FDFT1: variants seen among roughly 807,000 people sequenced by gnomAD.
The protein encoded by FDFT1 is squalene synthase.
FDFT1 carries 68 observed loss-of-function variants against 46.8 expected under a neutral mutation model. The ratio of observed to expected loss-of-function variants is 1.45; its 90% CI spans 1.19 to 1.78. The LOEUF is 1.78. Ranked by LOEUF, FDFT1 falls within the 40% of genes most tolerant of loss-of-function variation. The pLI is 0.00. For missense variants in FDFT1, 928 were observed against 524.4 expected, an observed-to-expected ratio of 1.77 and a Z score of -7.52; for synonymous variants, 351 against 185.1, an observed-to-expected ratio of 1.90 and a Z score of -7.28.
chr8:11,824,401 A>C (rs1383329780), intron 4 of FDFT1, among the ~76,000 whole-genome samples: 2 of 152,202 alleles, frequency 1.3e-5, no homozygotes, highest in Non-Finnish European at 2.9e-5. Context: ...CTCTAAAAGA[A>C]AAACTAAAAA....
intron 7 of FDFT1, among the ~76,000 whole-genome samples, chr8:11,832,659 C>G (rs997639832): frequency 6.6e-6 from 1 of 150,376 alleles, no homozygotes; most frequent in Non-Finnish European, 1.5e-5. Context: ...TGATTTGCTC[C>G]CCTCCCCCCA....
chr8:11,813,557 A>C (rs944604697), intron 3 of FDFT1, among the ~76,000 whole-genome samples: 1 of 152,308 alleles, frequency 6.6e-6, no homozygotes, highest in Admixed American at 6.5e-5. Context: ...AGAATCAATG[A>C]ATCTGGAAGG....
At chr8:11,827,820 C>G (rs1180833546) in intron 5 of FDFT1, among the ~76,000 whole-genome samples, 2 of 151,772 alleles carry the variant, frequency 1.3e-5, no homozygotes, top group Middle Eastern at 3.4e-3. Context: ...GTAGGAAGAT[C>G]ACTGAAGCCA....
upstream of FDFT1, among the ~76,000 whole-genome samples, chr8:11,798,405 G>C (rs143747706): frequency 4.4e-4 from 67 of 152,332 alleles, no homozygotes; most frequent in African/African-American, 1.6e-3. Context: ...TATGGGAAAG[G>C]ACAGGGGAAG....
intron 1 of FDFT1, 26 bp from the exon 2 acceptor site, chr8:11,808,768 C>G (rs1284336395): frequency 1.2e-6 from 2 of 1,601,922 alleles, no homozygotes; most frequent in Non-Finnish European, 1.7e-6. Flanking sequence ...ACGTCTCCCA[C>G]CGCCGTGTGT....
At chr8:11,807,061 C>T (rs976829241) in intron 1 of FDFT1, among the ~76,000 whole-genome samples, 3 of 151,110 alleles carry the variant, frequency 2.0e-5, no homozygotes, top group African/African-American at 7.3e-5. Context: ...AACCTCCCAC[C>T]AGAGCCCAGG....
At chr8:11,829,934 G>A (rs1171699302) in intron 5 of FDFT1, among the ~76,000 whole-genome samples, 3 of 151,434 alleles carry the variant, frequency 2.0e-5, no homozygotes, top group Non-Finnish European at 4.4e-5. Context: ...TGCAACCTCC[G>A]CCCCCTAGGT....
intron 3 of FDFT1, among the ~76,000 whole-genome samples, chr8:11,815,015 C>T (rs905786460): frequency 6.6e-6 from 1 of 152,192 alleles, no homozygotes; most frequent in Non-Finnish European, 1.5e-5. Context: ...CTATCCCTCC[C>T]TTGGCCCCCC....
intron 3 of FDFT1, among the ~76,000 whole-genome samples, chr8:11,814,966 C>T (rs909827845): frequency 2.0e-5 from 3 of 152,000 alleles, no homozygotes; most frequent in Admixed American, 2.0e-4. Flanking sequence ...TTTGCTACAC[C>T]CATCAACTCG....
At chr8:11,833,218 C>T (rs1191161064) in intron 7 of FDFT1, among the ~76,000 whole-genome samples, 3 of 152,180 alleles carry the variant, frequency 2.0e-5, no homozygotes, top group African/African-American at 7.2e-5. Flanking sequence ...CCAGAACTTA[C>T]TTTGATCTAT....
At chr8:11,831,428 C>T in intron 6 of FDFT1, 90 bp from the exon 7 acceptor site, 1 of 1,115,550 alleles carries the variant, frequency 9.0e-7, no homozygotes, top group Non-Finnish European at 1.3e-6. Flanking sequence ...AGCAATTGCC[C>T]ATTCAACAGA....
At chr8:11,823,666 C>G (rs149388209) in intron 4 of FDFT1, among the ~76,000 whole-genome samples, 119 of 152,298 alleles carry the variant, frequency 7.8e-4, no homozygotes, top group African/African-American at 2.7e-3. Context: ...CTTCTGGGCT[C>G]AAGCAATCTT....
chr8:11,831,761 C>A lies in FDFT1; in HGVS notation c.1032+91C>A, dbSNP rs1449500685. On this transcript the variant is annotated intron_variant, in intron 7 of 7. Transcript: ENST00000220584. ...TAACCAGGTTTGGATATTAGATGAT[C>A]CTAACAATTCACTATCCTGTGGCCT... 2.1e-5 allele frequency: 22 copies of A among 1,058,040 alleles called. No individual in the cohort carries two copies. In the South Asian group the frequency reaches 2.8e-4, roughly 14 times the overall value. 65.5% of individuals were successfully genotyped at this position (1,058,040 alleles called of 1,614,324 possible). A position where few individuals can be genotyped will look rare whatever the true frequency, so the allele number is the denominator to read the frequency against.
chr8:11,830,552 G>C, intron 6 of FDFT1, 132 bp downstream of exon 6: 1 of 661,156 alleles, frequency 1.5e-6, no homozygotes, highest in Non-Finnish European at 2.6e-6. Context: ...ATTACGCTGG[G>C]AGTTTCATAG....
At chr8:11,809,049 C>T (rs1048553265) in intron 2 of FDFT1, 158 bp downstream of exon 2, 3 of 1,339,356 alleles carry the variant, frequency 2.2e-6, no homozygotes, top group Non-Finnish European at 3.0e-6. Flanking sequence ...CTTTAGAAAG[C>T]CCTTCCAGGC....
rs5889385 is a variant in FDFT1 at position 11,804,600 on chromosome 8, CTTTTTTTTTTT to C, written c.99+1680_99+1690del. 3.1e-5 allele frequency among the ~76,000 whole-genome samples: 3 copies of C among 97,364 alleles called. No homozygotes were observed. In the East Asian group the frequency reaches 9.4e-4, roughly 30 times the overall value. The allele number at this position is 97,364 out of a possible 152,430, so 63.9% of individuals were successfully genotyped here. ...TTCACTTAACATTATCTTAGTTTCT[CTTTTTTTTTTT>C]TTTTTTTTTTGAGATGGAGTCTTGC... On this transcript the variant is annotated intron_variant, in intron 1 of 7. Coordinates refer to ENST00000220584, the MANE Select transcript of FDFT1 (RefSeq NM_004462.5).
intron 7 of FDFT1, among the ~76,000 whole-genome samples, chr8:11,832,058 C>A (rs1305568392): frequency 6.6e-6 from 1 of 152,122 alleles, no homozygotes; most frequent in African/African-American, 2.4e-5. Context: ...GTCCATGTGT[C>A]CTGACACCCA....
chr8:11,821,140 C>A (rs542367920), intron 3 of FDFT1, among the ~76,000 whole-genome samples: 1 of 152,336 alleles, frequency 6.6e-6, no homozygotes, highest in Non-Finnish European at 1.5e-5. Flanking sequence ...TCTAAACAAG[C>A]TGTTCTCCCA....
intron 7 of FDFT1, among the ~76,000 whole-genome samples, chr8:11,834,587 C>G (rs1034432085): frequency 2.0e-5 from 3 of 151,444 alleles, no homozygotes. Flanking sequence ...CCAGCCCCCA[C>G]CCAAACGTAT....
Sources: gnomAD v4.1 joint callset for allele counts (sites outside exome capture counted in the v4.1 genomes callset) on GRCh38, gnomAD v4.1.1 for gene constraint, MANE v1.5 for transcripts, NCBI Gene and HGNC (gene_info 2026-07-23, HGNC 2026-07-21) for gene names.